PBX1: variants seen among roughly 807,000 people sequenced by gnomAD.
PBX1 encodes the protein pre-B-cell leukemia transcription factor 1.
PBX1 carries 6 observed loss-of-function variants against 53.4 expected under a neutral mutation model. The ratio of observed to expected loss-of-function variants is 0.11; its 90% confidence interval spans 0.06 to 0.22. The LOEUF is 0.22. Among genes scored for constraint, PBX1 ranks in the 10% least tolerant of loss-of-function variants. PBX1 has a pLI of 1.00. For synonymous variants in PBX1, 204 were observed against 212.3 expected (o/e 0.96, Z 0.34); for missense variants, 251 against 551.4 (o/e 0.46, Z 5.46).
chr1:164,769,805 A>C (rs1667271680), intron 2 of PBX1: 1 of 152,178 alleles, frequency 6.6e-6, no homozygotes, highest in South Asian at 2.1e-4. Context: ...GTCAGTGCTC[A>C]TGTTGATTCC....
rs564518176 is a variant in PBX1 at position 164,712,351 on chromosome 1, C to T, written c.266-80143C>T. Among the ~76,000 whole-genome samples, 169 of 152,172 alleles carry T rather than the reference C, an allele frequency of 1.1e-3. 1 individual carries two copies. In the Middle Eastern group the frequency reaches 0.017, roughly 15 times the overall value. On this transcript the variant is annotated intron_variant, in intron 2 of 8. Transcript: ENST00000420696. ...GTCCGGATTATTCTGTTCGGGAAAA[C>T]GATAACGGCTGTTTATAACCTTGGC... is the stretch of plus-strand genomic sequence containing the variant.
intron 2 of PBX1, among the ~76,000 whole-genome samples, chr1:164,614,522 T>C (rs1390586320): frequency 6.6e-6 from 1 of 152,132 alleles, no homozygotes; most frequent in African/African-American, 2.4e-5. Flanking sequence ...TGTTGACATG[T>C]GACTTGGGGC....
At chr1:164,769,271 G>A (rs1263117475) in intron 2 of PBX1, 2 of 152,132 alleles carry the variant, frequency 1.3e-5, no homozygotes, top group Admixed American at 1.3e-4. Context: ...ATCTGTACTT[G>A]GGGTACATTT....
chr1:164,699,034 A>G (rs891807068), intron 2 of PBX1, among the ~76,000 whole-genome samples: 2 of 152,342 alleles, frequency 1.3e-5, no homozygotes, highest in African/African-American at 4.8e-5. Flanking sequence ...CAGTAAAATC[A>G]TAAAAAGGAG....
At chr1:164,649,027 A>G (rs889325375) in intron 2 of PBX1, among the ~76,000 whole-genome samples, 2 of 151,936 alleles carry the variant, frequency 1.3e-5, no homozygotes, top group Admixed American at 6.6e-5. Context: ...AAGATGACAC[A>G]CCTCTGTGGG....
intron 2 of PBX1, among the ~76,000 whole-genome samples, chr1:164,587,806 G>C (rs980230565): frequency 2.0e-5 from 3 of 152,100 alleles, no homozygotes; most frequent in African/African-American, 7.2e-5. Context: ...GCCACACCAG[G>C]GGGTGTCCCC....
chr1:164,655,100 G>GTTTTTTTTTTTTTTT (rs35954587), intron 2 of PBX1, among the ~76,000 whole-genome samples: 2 of 138,822 alleles, frequency 1.4e-5, no homozygotes, highest in Non-Finnish European at 1.5e-5. Flanking sequence ...TCTGATGTGT[G>GTTTTTTTTTTTTTTT]TTTTTTTTTT....
intron 2 of PBX1, among the ~76,000 whole-genome samples, chr1:164,759,496 C>A (rs1174066970): frequency 6.6e-6 from 1 of 152,106 alleles, no homozygotes; most frequent in Non-Finnish European, 1.5e-5. Flanking sequence ...TGTGCTAGCT[C>A]CCATTTATGA....
chr1:164,588,539 A>G (rs1655121847), intron 2 of PBX1, among the ~76,000 whole-genome samples: 1 of 118,820 alleles, frequency 8.4e-6, no homozygotes, highest in African/African-American at 3.1e-5. Flanking sequence ...ATAATTTTAT[A>G]TGCATATATA....
chr1:164,882,464 T>C (rs1672683774), intron 2 of PBX1, among the ~76,000 whole-genome samples: 1 of 152,260 alleles, frequency 6.6e-6, no homozygotes, highest in African/African-American at 2.4e-5. Context: ...CGTAAGTTCA[T>C]ACATATACAG....
chr1:164,850,042 G>GAA lies in PBX1; in HGVS notation c.*3375_*3376dup. On this transcript the variant is annotated 3_prime_UTR_variant, in exon 9 of 9. Coordinates refer to ENST00000420696, the MANE Select transcript of PBX1 (RefSeq NM_002585.4). ...GAATGTTCTTGTATATTCAGATAAA[G>GAA]AAAAAAAAAACCAAAAAAGCGGTCT... The GAA allele has an allele frequency of 5.3e-5, 11 of 208,998 alleles. No individual in the cohort carries two copies. Among genetic ancestry groups the GAA allele is most frequent in the Admixed American group, 1.2e-4 (2 of 16,504 alleles). The allele number at this position is 208,998 out of a possible 1,614,324, so 12.9% of individuals were successfully genotyped here. A position where few individuals can be genotyped will look rare whatever the true frequency, so the allele number is the denominator to read the frequency against.
At chr1:164,831,805 G>A (rs1670780215) in intron 8 of PBX1, among the ~76,000 whole-genome samples, 1 of 152,188 alleles carries the variant, frequency 6.6e-6, no homozygotes, top group Admixed American at 6.5e-5. Flanking sequence ...AGAATAGTCT[G>A]TTCTTTTCCC....
chr1:164,663,123 T>A (rs1660584866), intron 2 of PBX1, among the ~76,000 whole-genome samples: 1 of 152,128 alleles, frequency 6.6e-6, no homozygotes, highest in South Asian at 2.1e-4. Context: ...CTTAAGCAAA[T>A]GGAAGCGTGC....
intron 2 of PBX1, among the ~76,000 whole-genome samples, chr1:164,776,961 GAGAGAGAGAGAGAGAGA>G (rs1558001518): frequency 4.7e-5 from 5 of 107,516 alleles, no homozygotes; most frequent in African/African-American, 1.6e-4. Context: ...GAGAGAGAGA[GAGAGAGAGAGAGAGAGA>G]GGAGGTGTGG....
At chr1:164,707,752 A>G (rs1295418947) in intron 2 of PBX1, among the ~76,000 whole-genome samples, 2 of 152,192 alleles carry the variant, frequency 1.3e-5, no homozygotes, top group African/African-American at 4.8e-5. Flanking sequence ...CTGCTCCCAG[A>G]TGGGGAAGCC....
intron 2 of PBX1, among the ~76,000 whole-genome samples, chr1:164,663,141 TCTGCCTGCCTTCTTGCCTGC>T (rs368550436): frequency 8.0e-5 from 12 of 150,446 alleles, no homozygotes; most frequent in African/African-American, 2.4e-4. Flanking sequence ...TGCCTACCTT[TCTGCCTGCCTTCTTGCCTGC>T]CTGCCTTCCT....
chr1:164,752,098 A>C (rs563125207), intron 2 of PBX1, among the ~76,000 whole-genome samples: 1 of 152,130 alleles, frequency 6.6e-6, no homozygotes, highest in South Asian at 2.1e-4. Flanking sequence ...CAAAGTCACC[A>C]ACACTATTTC....
intron 2 of PBX1, among the ~76,000 whole-genome samples, chr1:164,728,442 A>G (rs973434613): frequency 2.0e-5 from 3 of 152,224 alleles, no homozygotes; most frequent in Non-Finnish European, 4.4e-5. Flanking sequence ...ATGTGCTCCC[A>G]TTTCCTGTGC....
intron 2 of PBX1, among the ~76,000 whole-genome samples, chr1:164,634,482 G>C (rs1485149993): frequency 2.6e-5 from 4 of 152,110 alleles, no homozygotes; most frequent in Non-Finnish European, 5.9e-5. Context: ...TTTGAGCTTG[G>C]GGTACCGTTG....
Sources: allele counts gnomAD v4.1 joint callset (sites outside exome capture counted in the v4.1 genomes callset), GRCh38; gene constraint gnomAD v4.1.1; transcripts MANE v1.5; gene names NCBI Gene and HGNC (gene_info 2026-07-23, HGNC 2026-07-21).